The following CERKL variants were observed in gnomAD, a reference collection of about 807,000 sequenced individuals.
CERKL encodes CERK like autophagy regulator.
In CERKL, 61 loss-of-function variants were observed where a neutral mutation model predicts 63.4. The ratio of observed to expected loss-of-function variants is 0.96; its 90% CI spans 0.78 to 1.19. The LOEUF (loss-of-function observed/expected upper bound fraction) is 1.19, where lower values mean the gene tolerates loss of function less well. Among genes scored for constraint, CERKL ranks in the 50% most tolerant of loss-of-function variants. The pLI is 0.00. For synonymous variants in CERKL, 250 were observed against 230.5 expected (o/e 1.08, Z -0.77); for missense variants, 675 against 655.5 (o/e 1.03, Z -0.33).
chr2:181,573,964 C>A, intron 2 of CERKL, 80 bp from the exon 3 acceptor site: 1 of 1,343,754 alleles, frequency 7.4e-7, no homozygotes, highest in South Asian at 1.2e-5. Context: ...ACACACAAGT[C>A]TGTTAGAATG....
intron 4 of CERKL, among the ~76,000 whole-genome samples, chr2:181,563,095 C>T (rs767654083): frequency 2.6e-5 from 4 of 152,066 alleles, no homozygotes; most frequent in Admixed American, 6.6e-5. Flanking sequence ...GCAAGTGTTA[C>T]TGCTTCAAGT....
chr2:181,628,205 G>A (rs1686795783), intron 1 of CERKL, among the ~76,000 whole-genome samples: 1 of 152,112 alleles, frequency 6.6e-6, no homozygotes. Flanking sequence ...ATCAACTTCA[G>A]AAATTTTTGT....
intron 11 of CERKL, among the ~76,000 whole-genome samples, chr2:181,540,836 G>A (rs718449): frequency 0.098 from 14,983 of 152,238 alleles, 1,009 homozygotes; most frequent in East Asian, 0.22. Flanking sequence ...CCATGATGGT[G>A]CAAGTGTGGA....
chr2:181,627,743 A>T (rs1047808026), intron 1 of CERKL, among the ~76,000 whole-genome samples: 1 of 152,152 alleles, frequency 6.6e-6, no homozygotes, highest in Non-Finnish European at 1.5e-5. Flanking sequence ...GAAGAGGAAA[A>T]CATTCCCACA....
chr2:181,544,848 C>A, intron 10 of CERKL, 52 bp from the exon 11 acceptor site: 3 of 1,094,890 alleles, frequency 2.7e-6, no homozygotes, highest in Non-Finnish European at 4.1e-6. Flanking sequence ...AGAGATTATA[C>A]CAAAAATTAT....
intron 2 of CERKL, among the ~76,000 whole-genome samples, chr2:181,585,381 AAAAC>A (rs1559090419): frequency 6.6e-6 from 1 of 152,220 alleles, no homozygotes; most frequent in Admixed American, 6.5e-5. Flanking sequence ...TGCATTAAAG[AAAAC>A]AAAAGCACAA....
At chr2:181,653,939 T>C (rs1182231239) in intron 1 of CERKL, among the ~76,000 whole-genome samples, 2 of 152,142 alleles carry the variant, frequency 1.3e-5, no homozygotes, top group East Asian at 3.8e-4. Context: ...ATAATGAAAG[T>C]GTGAGGTGAA....
chr2:181,622,553 A>AC lies in CERKL; in HGVS notation c.239-18475dup, dbSNP rs564139012. ...AAATAAATGAAGTCTTTTTCATAAA[A>AC]CCCCCCAAAAGTACTCTCCATAATG... On this transcript the variant is annotated intron_variant, in intron 1 of 12. Coordinates refer to ENST00000410087, the MANE Select transcript of CERKL (RefSeq NM_201548.5). Among the ~76,000 whole-genome samples, 227 of 152,118 alleles carry AC rather than the reference A, an allele frequency of 1.5e-3. 1 individual carries two copies. The highest frequency in any genetic ancestry group is 2.5e-3 in the Non-Finnish European group (168 of 67,998).
chr2:181,546,011 A>C (rs1359122467), intron 10 of CERKL, among the ~76,000 whole-genome samples: 1 of 152,086 alleles, frequency 6.6e-6, no homozygotes, highest in African/African-American at 2.4e-5. Context: ...GTGGGGGAAA[A>C]AGAAGAAAGT....
At chr2:181,650,169 G>GGAAGGAAA (rs1559124793) in intron 1 of CERKL, 1 of 128,906 alleles carries the variant, frequency 7.8e-6, no homozygotes, top group Non-Finnish European at 1.5e-5. Context: ...AAGGAAAGAA[G>GGAAGGAAA]GAAGGAGAAA....
At chr2:181,650,096 AGGG>A (rs1687845270) in intron 1 of CERKL, 1 of 51,518 alleles carries the variant, frequency 1.9e-5, no homozygotes. Context: ...GGAGGGAGGG[AGGG>A]AGGGAGGGAG....
intron 1 of CERKL, among the ~76,000 whole-genome samples, chr2:181,643,222 G>T (rs1687523797): frequency 6.6e-6 from 1 of 152,208 alleles, no homozygotes; most frequent in South Asian, 2.1e-4. Flanking sequence ...TTCATAGGTG[G>T]TCAGAACTGA....
At chr2:181,610,007 G>A (rs767355112) in intron 1 of CERKL, among the ~76,000 whole-genome samples, 2 of 151,892 alleles carry the variant, frequency 1.3e-5, no homozygotes, top group Non-Finnish European at 2.9e-5. Context: ...AAGACACAAA[G>A]GAAGACAGAC....
chr2:181,629,369 G>C (rs1415933419), intron 1 of CERKL, among the ~76,000 whole-genome samples: 4 of 152,208 alleles, frequency 2.6e-5, no homozygotes, highest in Admixed American at 2.6e-4. Flanking sequence ...TATTCTGATT[G>C]TAGTAGGAAA....
intron 2 of CERKL, among the ~76,000 whole-genome samples, chr2:181,596,954 C>T (rs543055370): frequency 4.6e-5 from 7 of 152,270 alleles, no homozygotes; most frequent in African/African-American, 1.7e-4. Flanking sequence ...TAAATGCTAT[C>T]CTTTTTTAAT....
chr2:181,549,701 G>A lies in CERKL; in HGVS notation c.828C>T (p.Thr276=). 6.2e-7 allele frequency: 1 copy of A among 1,610,394 alleles called. No individual in the cohort carries two copies. Among genetic ancestry groups the A allele is most frequent in the Non-Finnish European group, 8.5e-7 (1 of 1,176,954 alleles). The part of the protein sequence containing the change: ...LPLGLIPAGS[T]NVLAHSLHGV... ...CATGAAGAGAATGTGCCAATACATT[G>A]GTAGATCCTGCCAAAGCAATTTTAA... The change falls in exon 6 of 13, where the codon ACC becomes ACT. Residue 276 remains threonine, a synonymous_variant. Transcript: ENST00000410087.
chr2:181,549,391 A>G (rs1046384059), intron 6 of CERKL, among the ~76,000 whole-genome samples: 1 of 152,122 alleles, frequency 6.6e-6, no homozygotes, highest in South Asian at 2.1e-4. Context: ...GCACACTACA[A>G]TATTTTTTTT....
At position 181,603,014 on chromosome 2, in the gene CERKL, C is replaced by A; in HGVS notation, c.481+823G>T. On this transcript the variant is annotated intron_variant, in intron 2 of 12. Coordinates refer to ENST00000410087, the MANE Select transcript of CERKL (RefSeq NM_201548.5). ...GTACTTATGAATTTTATTTAGTATG[C>A]AAAATATGAAAATGTCATTTAGAAA... 1.2e-5 allele frequency: 2 copies of A among 168,732 alleles called. 1 individual carries two copies. The allele number at this position is 168,732 out of a possible 1,614,324, so 10.5% of individuals were successfully genotyped here. A position where few individuals can be genotyped will look rare whatever the true frequency, so the allele number is the denominator to read the frequency against.
Position 181,581,444 on chromosome 2 carries a change from T to C in CERKL, c.482-7560A>G, listed in dbSNP as rs368411331. On this transcript the variant is annotated intron_variant, in intron 2 of 12. Transcript: ENST00000410087. ...ACAAGGTTTCATCTTCCAGGTAGAATACAATATGCTACAACAGGAACATGG... is the reference window on the plus strand; with the variant it reads ...ACAAGGTTTCATCTTCCAGGTAGAACACAATATGCTACAACAGGAACATGG... Among the ~76,000 whole-genome samples, 24 of 152,330 alleles carry C rather than the reference T, an allele frequency of 1.6e-4. No homozygotes were observed. The East Asian group carries it at 4.2e-3, about 27-fold the overall frequency.
Sources: gnomAD v4.1 joint callset for allele counts (sites outside exome capture counted in the v4.1 genomes callset) on GRCh38, gnomAD v4.1.1 for gene constraint, MANE v1.5 for transcripts, NCBI Gene and HGNC (gene_info 2026-07-23, HGNC 2026-07-21) for gene names.